SLC16A9: variants seen among roughly 807,000 people sequenced by gnomAD.
SLC16A9 encodes the protein solute carrier family 16 member 9.
A neutral mutation model predicts 44.3 loss-of-function variants in SLC16A9; 26 were observed. The observed-to-expected ratio is 0.59, with a 90% CI of 0.43 to 0.81. The LOEUF (loss-of-function observed/expected upper bound fraction) is 0.81, where lower values mean the gene tolerates loss of function less well. SLC16A9 is among the 40% of genes least tolerant of loss of function. The pLI, the probability that SLC16A9 is intolerant of heterozygous loss-of-function variation, is 0.00. For synonymous variants in SLC16A9, 230 were observed against 225.1 expected, an observed-to-expected ratio of 1.02 and a Z score of -0.19; for missense variants, 559 against 595.8, an observed-to-expected ratio of 0.94 and a Z score of 0.64.
At chr10:59,709,982 G>T (rs948529177), upstream of SLC16A9, 1 of 150,500 alleles carries the variant, frequency 6.6e-6, no homozygotes, top group African/African-American at 2.4e-5. Flanking sequence ...AGTAGGGAGG[G>T]CACTGCCCGA....
At chr10:59,680,985 A>ATAATAATAATAATAG (rs1839973051) in intron 2 of SLC16A9, among the ~76,000 whole-genome samples, 1 of 151,064 alleles carries the variant, frequency 6.6e-6, no homozygotes, top group African/African-American at 2.4e-5. Context: ...CCAATCTCAA[A>ATAATAATAATAATAG]TAATAATAAT....
intron 1 of SLC16A9, among the ~76,000 whole-genome samples, chr10:59,705,647 A>C (rs1307125579): frequency 2.0e-5 from 3 of 152,232 alleles, no homozygotes; most frequent in Admixed American, 2.0e-4. Context: ...ATATCATAGG[A>C]ATGCAGGTTT....
intron 1 of SLC16A9, among the ~76,000 whole-genome samples, chr10:59,701,136 T>G (rs1368700980): frequency 2.6e-5 from 4 of 152,190 alleles, no homozygotes; most frequent in African/African-American, 9.7e-5. Context: ...ATGACCGTAC[T>G]TCCATTTGCC....
chr10:59,677,471 A>G (rs1839885739), intron 2 of SLC16A9, among the ~76,000 whole-genome samples: 1 of 152,090 alleles, frequency 6.6e-6, no homozygotes, highest in South Asian at 2.1e-4. Flanking sequence ...ACATGTGCCC[A>G]CCCTACTGGA....
chr10:59,673,953 T>C (rs1169944225), intron 2 of SLC16A9, among the ~76,000 whole-genome samples: 1 of 152,202 alleles, frequency 6.6e-6, no homozygotes, highest in African/African-American at 2.4e-5. Flanking sequence ...CTTTCAATTA[T>C]AAAAACTACA....
chr10:59,683,964 T>C (rs924379922), intron 2 of SLC16A9, 132 bp downstream of exon 2: 1 of 626,264 alleles, frequency 1.6e-6, no homozygotes. Flanking sequence ...AGTACAATCA[T>C]TGCAATGAAG....
intron 4 of SLC16A9, among the ~76,000 whole-genome samples, chr10:59,661,841 A>T (rs1839482191): frequency 6.6e-6 from 1 of 151,434 alleles, no homozygotes; most frequent in South Asian, 2.1e-4. Context: ...CACATATACA[A>T]CCATCTGATC....
intron 1 of SLC16A9, among the ~76,000 whole-genome samples, chr10:59,693,705 C>T (rs979775671): frequency 2.0e-5 from 3 of 151,654 alleles, no homozygotes; most frequent in African/African-American, 7.2e-5. Context: ...CCGTAAGCTC[C>T]GCCTCCCAGG....
At chr10:59,702,301 A>G (rs1441385762) in intron 1 of SLC16A9, among the ~76,000 whole-genome samples, 1 of 152,250 alleles carries the variant, frequency 6.6e-6, no homozygotes, top group Admixed American at 6.5e-5. Context: ...ATCTTTTACC[A>G]ATATAACATC....
At chr10:59,697,439 CCCTGTG>C in intron 1 of SLC16A9, among the ~76,000 whole-genome samples, 1 of 151,912 alleles carries the variant, frequency 6.6e-6, no homozygotes. Context: ...TTACCCCCAA[CCCTGTG>C]CTCTCTGAAA....
At chr10:59,700,431 G>T (rs1180838851) in intron 1 of SLC16A9, among the ~76,000 whole-genome samples, 2 of 152,084 alleles carry the variant, frequency 1.3e-5, no homozygotes, top group African/African-American at 4.8e-5. Flanking sequence ...AGACTCCTAG[G>T]ATCTCCCTTT....
Position 59,681,783 on chromosome 10 carries a change from G to GATGTATATGTATATGTATATGTAT in SLC16A9, c.196+2289_196+2312dup, listed in dbSNP as rs6143937. Among the ~76,000 whole-genome samples the GATGTATATGTATATGTATATGTAT allele has an allele frequency of 4.3e-3, 22 of 5,100 alleles. 10 individuals carry two copies. Among genetic ancestry groups the GATGTATATGTATATGTATATGTAT allele is most frequent in the African/African-American group, 5.5e-3 (22 of 3,988 alleles). 3.3% of individuals were successfully genotyped at this position (5,100 alleles called of 152,430 possible). A position where few individuals can be genotyped will look rare whatever the true frequency, so the allele number is the denominator to read the frequency against. Reference sequence around the variant, plus strand: ...ATATGATGTATATGTATATGTATATGATGTATATGTATATGTATATGTATA... The same window carrying GATGTATATGTATATGTATATGTAT: ...ATATGATGTATATGTATATGTATATGATGTATATGTATATGTATATGTATATGTATATGTATATGTATATGTATA... On this transcript the variant is annotated intron_variant, in intron 2 of 5. Transcript: ENST00000395348.
intron 3 of SLC16A9, among the ~76,000 whole-genome samples, chr10:59,671,048 G>A (rs181132070): frequency 3.3e-5 from 5 of 152,256 alleles, no homozygotes; most frequent in South Asian, 2.1e-4. Context: ...AGACCCATAC[G>A]AGGTAGGTTT....
intron 2 of SLC16A9, among the ~76,000 whole-genome samples, chr10:59,678,733 C>CTT (rs1839919961): frequency 7.0e-6 from 1 of 143,278 alleles, no homozygotes. Context: ...TTAGTAGAGA[C>CTT]GGGTTTTCAC....
In SLC16A9 at chr10:59,664,226, C is replaced by T; in HGVS notation, c.436+1G>A. 4.4e-6 allele frequency: 7 copies of T among 1,603,096 alleles called. No individual in the cohort carries two copies. The highest frequency in any genetic ancestry group is 6.0e-6 in the Non-Finnish European group (7 of 1,171,886). ...ATACTGTACTCATTTTGAAAATATACCTGTTGAAATCAGGCCAAGCGCTAG... is the reference window on the plus strand; with the variant it reads ...ATACTGTACTCATTTTGAAAATATATCTGTTGAAATCAGGCCAAGCGCTAG... On this transcript the variant is annotated splice_donor_variant, in intron 4 of 5. Coordinates refer to ENST00000395348, the MANE Select transcript of SLC16A9 (RefSeq NM_194298.3). LOFTEE classifies it high-confidence loss of function.
At chr10:59,670,303 G>A (rs1324309768) in intron 3 of SLC16A9, among the ~76,000 whole-genome samples, 1 of 152,156 alleles carries the variant, frequency 6.6e-6, no homozygotes, top group Non-Finnish European at 1.5e-5. Context: ...AAAAAAGGAA[G>A]CTCAGAGAGG....
intron 1 of SLC16A9, among the ~76,000 whole-genome samples, chr10:59,706,298 T>C (rs965638608): frequency 6.6e-6 from 1 of 152,150 alleles, no homozygotes; most frequent in Non-Finnish European, 1.5e-5. Flanking sequence ...AGTCTCATCA[T>C]CCATAAGGGT....
intron 1 of SLC16A9, among the ~76,000 whole-genome samples, chr10:59,706,857 C>G (rs1039491681): frequency 3.9e-5 from 6 of 151,942 alleles, no homozygotes; most frequent in Non-Finnish European, 8.8e-5. Flanking sequence ...ACCTGTAATG[C>G]CAGCTACTCG....
chr10:59,685,876 A>G (rs1324560396), intron 1 of SLC16A9, among the ~76,000 whole-genome samples: 2 of 151,980 alleles, frequency 1.3e-5, no homozygotes, highest in Non-Finnish European at 2.9e-5. Context: ...GCTAATTCAT[A>G]TTGTCTCCAG....
Sources: allele counts gnomAD v4.1 joint callset (sites outside exome capture counted in the v4.1 genomes callset), GRCh38; gene constraint gnomAD v4.1.1; transcripts MANE v1.5; gene names NCBI Gene and HGNC (gene_info 2026-07-23, HGNC 2026-07-21).